The following AP3B1 variants were observed in gnomAD, a reference collection of about 807,000 sequenced individuals.
The protein encoded by AP3B1 is AP-3 complex subunit beta-1.
A neutral mutation model predicts 132.5 loss-of-function variants in AP3B1; 61 were observed. The observed-to-expected ratio is 0.46, with a 90% confidence interval of 0.37 to 0.57. AP3B1 has a LOEUF of 0.57. Among genes scored for constraint, AP3B1 ranks in the 20% least tolerant of loss-of-function variants. AP3B1 has a pLI of 0.00. For missense variants in AP3B1, 1,120 were observed against 1,289.4 expected (o/e 0.87, Z 2.01); for synonymous variants, 388 against 438.3 (o/e 0.89, Z 1.43).
rs981532754 is a variant in AP3B1 at position 78,129,905 on chromosome 5, G to A, written c.1651-598C>T. Among the ~76,000 whole-genome samples, 24 of 152,008 alleles carry A rather than the reference G, an allele frequency of 1.6e-4. 1 individual carries two copies. The highest frequency in any genetic ancestry group is 4.6e-4 in the Admixed American group (7 of 15,238). ...ATTTAGCTGTTACTTTTTCATAAAA[G>A]CAAGCTGCTGATGCCCTCTGAAAAC... is the stretch of plus-strand genomic sequence containing the variant. On this transcript the variant is annotated intron_variant, in intron 15 of 26. Transcript: ENST00000255194.
intron 20 of AP3B1, among the ~76,000 whole-genome samples, chr5:78,108,790 G>A (rs1000796171): frequency 3.9e-5 from 6 of 152,026 alleles, no homozygotes; most frequent in Admixed American, 1.3e-4. Flanking sequence ...GGGGAGGAAG[G>A]GGTACAACAC....
intron 14 of AP3B1, among the ~76,000 whole-genome samples, chr5:78,145,578 T>G (rs1212346906): frequency 6.6e-6 from 1 of 152,202 alleles, no homozygotes; most frequent in Non-Finnish European, 1.5e-5. Flanking sequence ...CCCACACTGA[T>G]GGTGTTACAT....
At chr5:78,136,892 A>G (rs923326288) in intron 15 of AP3B1, among the ~76,000 whole-genome samples, 2 of 152,184 alleles carry the variant, frequency 1.3e-5, no homozygotes, top group African/African-American at 4.8e-5. Context: ...CTATATTATA[A>G]TAATTCCCAT....
intron 21 of AP3B1, 58 bp from the exon 22 acceptor site, chr5:78,089,557 A>AAAGC (rs1750423170): frequency 9.0e-7 from 1 of 1,110,124 alleles, no homozygotes; most frequent in Non-Finnish European, 1.4e-6. Context: ...AAATTATTAA[A>AAAGC]AGCAACATTT....
At chr5:78,221,212 G>T (rs1746165769) in intron 6 of AP3B1, among the ~76,000 whole-genome samples, 2 of 152,166 alleles carry the variant, frequency 1.3e-5, no homozygotes, top group African/African-American at 4.8e-5. Flanking sequence ...GGGTACTCTT[G>T]TACTAGGAAT....
At chr5:78,096,247 G>A (rs1259648263) in intron 21 of AP3B1, among the ~76,000 whole-genome samples, 2 of 152,318 alleles carry the variant, frequency 1.3e-5, no homozygotes, top group South Asian at 2.1e-4. Context: ...TCCTAACCGC[G>A]AGTGATCCGC....
intron 11 of AP3B1, among the ~76,000 whole-genome samples, chr5:78,168,243 AG>A (rs1743746639): frequency 2.3e-5 from 3 of 127,890 alleles, no homozygotes; most frequent in Admixed American, 8.2e-5. Flanking sequence ...TTTTTTTTTG[AG>A]ACAAGGTCTT....
At chr5:78,177,255 T>C in intron 9 of AP3B1, 84 bp downstream of exon 9, 2 of 904,430 alleles carry the variant, frequency 2.2e-6, no homozygotes, top group Non-Finnish European at 3.6e-6. Flanking sequence ...GAGTTATATA[T>C]TAAATGCCTG....
At chr5:78,196,780 A>G (rs185659665) in intron 7 of AP3B1, among the ~76,000 whole-genome samples, 1 of 152,346 alleles carries the variant, frequency 6.6e-6, no homozygotes, top group African/African-American at 2.4e-5. Flanking sequence ...AATAGGTTAC[A>G]TATTGTATGA....
intron 7 of AP3B1, among the ~76,000 whole-genome samples, chr5:78,212,500 T>C (rs1221378177): frequency 6.6e-6 from 1 of 152,186 alleles, no homozygotes; most frequent in Non-Finnish European, 1.5e-5. Context: ...GCAAATTCTT[T>C]ACTTCAAGGT....
rs769035767 is a variant in AP3B1, at chr5:78,141,210, T to G, written c.1583A>C (p.Glu528Ala). 2 of 1,613,772 alleles carry G rather than the reference T, an allele frequency of 1.2e-6. No homozygotes were observed. The highest frequency in any genetic ancestry group is 4.5e-5 in the East Asian group (2 of 44,880). Reference sequence around the variant, plus strand: ...TATCTGCAGTTTTACCAGATCATCTTCACTAGTGAAGCTTTTAGCCATCTT... The same window carrying G: ...TATCTGCAGTTTTACCAGATCATCTGCACTAGTGAAGCTTTTAGCCATCTT... ...LRKMAKSFTS[E>A]DDLVKLQILN... is the part of the protein sequence containing the mutation. The change falls in exon 15 of 27, where the codon GAA becomes GCA. Residue 528 changes from glutamate to alanine, a missense_variant. Around this residue, in one of 3 missense-constraint regions of AP3B1, gnomAD observed 906 missense variants for 997.1 expected, o/e 0.91. Transcript: ENST00000255194.
rs576123485 is a variant in AP3B1 at position 78,240,616 on chromosome 5, G to A, written c.279+246C>T. Reference sequence around the variant, plus strand: ...GGCCTCTAGGAACAGGTGAAAACTCGACAACTTACCATCATTCACTCAGGG... The same window carrying A: ...GGCCTCTAGGAACAGGTGAAAACTCAACAACTTACCATCATTCACTCAGGG... On this transcript the variant is annotated intron_variant, in intron 3 of 26. Transcript: ENST00000255194. 5.9e-5 allele frequency among the ~76,000 whole-genome samples: 9 copies of A among 152,258 alleles called. No individual in the cohort carries two copies. The South Asian group carries it at 6.2e-4, about 11-fold the overall frequency.
At chr5:78,219,158 T>C (rs1200063320) in intron 6 of AP3B1, among the ~76,000 whole-genome samples, 2 of 152,090 alleles carry the variant, frequency 1.3e-5, no homozygotes, top group Non-Finnish European at 2.9e-5. Flanking sequence ...CAAAAATATA[T>C]ACATAAATCA....
chr5:78,267,878 A>C (rs971283517), intron 1 of AP3B1, among the ~76,000 whole-genome samples: 1 of 152,218 alleles, frequency 6.6e-6, no homozygotes, highest in African/African-American at 2.4e-5. Context: ...GCAAACTAAT[A>C]CAAGGGTTAA....
intron 15 of AP3B1, among the ~76,000 whole-genome samples, chr5:78,136,902 T>C (rs1752939532): frequency 6.6e-6 from 1 of 152,192 alleles, no homozygotes; most frequent in South Asian, 2.1e-4. Context: ...ATAATTCCCA[T>C]TTTACAGATG....
At chr5:78,261,856 A>G (rs1748109692) in intron 2 of AP3B1, among the ~76,000 whole-genome samples, 1 of 151,334 alleles carries the variant, frequency 6.6e-6, no homozygotes, top group African/African-American at 2.4e-5. Flanking sequence ...GGTTCAAGCA[A>G]TTCTCCTGCC....
At chr5:78,156,475 G>C in intron 13 of AP3B1, 108 bp from the exon 14 acceptor site, 1 of 841,092 alleles carries the variant, frequency 1.2e-6, no homozygotes, top group Non-Finnish European at 1.9e-6. Context: ...TTTAATACAA[G>C]CCTTAAAAGA....
At chr5:78,073,615 ATAT>A (rs1749638098) in intron 22 of AP3B1, among the ~76,000 whole-genome samples, 1 of 152,190 alleles carries the variant, frequency 6.6e-6, no homozygotes, top group African/African-American at 2.4e-5. Flanking sequence ...ATTTATTTAC[ATAT>A]TTTCACCGAA....
intron 1 of AP3B1, among the ~76,000 whole-genome samples, chr5:78,276,716 A>C (rs1748791372): frequency 6.6e-6 from 1 of 152,040 alleles, no homozygotes; most frequent in Non-Finnish European, 1.5e-5. Context: ...AAAAAAACAA[A>C]AAATTAGTCA....
Sources: allele counts gnomAD v4.1 joint callset (sites outside exome capture counted in the v4.1 genomes callset), GRCh38; gene constraint gnomAD v4.1.1; regional missense constraint gnomAD v4.1.1; transcripts MANE v1.5; gene names NCBI Gene and HGNC (gene_info 2026-07-23, HGNC 2026-07-21).